TMEM67: variants seen among roughly 807,000 people sequenced by gnomAD.
The protein encoded by TMEM67 is meckelin.
TMEM67 carries 124 observed loss-of-function variants against 136.6 expected under a neutral mutation model. That is an observed-to-expected ratio of 0.91 (90% CI 0.78 to 1.05). The LOEUF is 1.05. TMEM67 is among the 50% of genes least tolerant of loss of function. The pLI is 0.00. For synonymous variants in TMEM67, 364 were observed against 390.5 expected (o/e 0.93, Z 0.80); for missense variants, 1,107 against 1,178.4 (o/e 0.94, Z 0.89).
At chr8:93,810,048 A>G (rs1808640348) in intron 26 of TMEM67, 161 bp downstream of exon 26, 2 of 477,184 alleles carry the variant, frequency 4.2e-6, no homozygotes, top group South Asian at 5.0e-5. Flanking sequence ...AGCTTACTGC[A>G]AGCTCCGCCT....
At chr8:93,757,710 AC>A (rs1461436820) in intron 2 of TMEM67, among the ~76,000 whole-genome samples, 1 of 152,098 alleles carries the variant, frequency 6.6e-6, no homozygotes, top group Non-Finnish European at 1.5e-5. Context: ...AATTTTAACA[AC>A]TATGTGTATA....
intron 8 of TMEM67, 59 bp downstream of exon 8, chr8:93,780,806 A>G (rs1433925018): frequency 6.3e-7 from 1 of 1,595,334 alleles, no homozygotes; most frequent in East Asian, 2.2e-5. Flanking sequence ...AGTTATTAAT[A>G]TATTCACAAA....
chr8:93,799,543 G>T, intron 20 of TMEM67, 75 bp from the exon 21 acceptor site: 2 of 1,479,794 alleles, frequency 1.4e-6, no homozygotes, highest in Non-Finnish European at 9.3e-7. Context: ...GTAGGGAGAG[G>T]TTTTCTGTTT....
Position 93,793,294 on chromosome 8 carries a change from C to T in TMEM67, c.1672C>T (p.Gln558Ter). 21 of 1,609,238 alleles carry T rather than the reference C, an allele frequency of 1.3e-5. No individual in the cohort carries two copies. Among genetic ancestry groups the T allele is most frequent in the Non-Finnish European group, 1.7e-5 (20 of 1,175,580 alleles). Residue 558 changes from glutamine (Q) to a stop codon, truncating the protein, a stop_gained and splice_region_variant, in exon 16 of 28, where the codon CAG becomes TAG. Coordinates refer to ENST00000453321, the MANE Select transcript of TMEM67 (RefSeq NM_153704.6). LOFTEE classifies it high-confidence loss of function. ...CATTGGGAGTCCCATGATTGATTTA[C>T]AGGTATAATCTCAGGAGTTTTTTAA... Reference protein sequence around the residue: ...RRIGSPMIDLQTVVKFLVYYA... With the variant: ...RRIGSPMIDL
chr8:93,787,814 AT>A, intron 13 of TMEM67, 29 bp from the exon 14 acceptor site: 1 of 1,512,382 alleles, frequency 6.6e-7, no homozygotes, highest in Non-Finnish European at 9.2e-7. Flanking sequence ...GGATATACTG[AT>A]TACTATAAAT....
At chr8:93,770,175 G>T (rs1813268384) in intron 6 of TMEM67, among the ~76,000 whole-genome samples, 1 of 152,078 alleles carries the variant, frequency 6.6e-6, no homozygotes, top group African/African-American at 2.4e-5. Context: ...CTTTCACCTG[G>T]TTTAAAGAAT....
intron 3 of TMEM67, among the ~76,000 whole-genome samples, chr8:93,763,316 TAACA>T (rs1009735526): frequency 1.3e-5 from 2 of 152,216 alleles, no homozygotes; most frequent in African/African-American, 4.8e-5. Context: ...GTGTTGTTTC[TAACA>T]AATAATGCCT....
chr8:93,811,785 G>A (rs185925217), intron 26 of TMEM67, among the ~76,000 whole-genome samples: 18 of 151,812 alleles, frequency 1.2e-4, no homozygotes, highest in Non-Finnish European at 2.2e-4. Flanking sequence ...GCTAGTGAGC[G>A]CCGAGATCGC....
intron 3 of TMEM67, chr8:93,761,923 T>TGAA (rs1343123528): frequency 1.3e-5 from 2 of 152,194 alleles, no homozygotes; most frequent in African/African-American, 4.8e-5. Context: ...AAGAACTGAG[T>TGAA]GCCTGGGAAT....
In TMEM67 at chr8:93,808,851, T is replaced by G; in HGVS notation, c.2451T>G (p.Cys817Trp). ...CTTTAACTTTTCAGGAAAATTTGTG[T>G]AGCCAGAGAGGTTTGGTACCCAACA... ...MNLKREAENL[C>W]SQRGLVPNTD... The change falls in exon 24 of 28, where the codon TGT (cysteine) becomes TGG (tryptophan). Residue 817 changes from cysteine (C) to tryptophan (W), a missense_variant. Physicochemically the swap from Cys to Trp is radical, Grantham distance 215. Around this residue, in one of 3 missense-constraint regions of TMEM67, gnomAD observed 925 missense variants for 1,002.4 expected, o/e 0.92. Coordinates refer to ENST00000453321, the MANE Select transcript of TMEM67 (RefSeq NM_153704.6). 1.2e-6 allele frequency: 2 copies of G among 1,607,474 alleles called. No individual in the cohort carries two copies. The highest frequency in any genetic ancestry group is 1.7e-4 in the Middle Eastern group (1 of 6,050).
At chr8:93,810,622 A>T (rs1038183017) in intron 26 of TMEM67, among the ~76,000 whole-genome samples, 1 of 152,140 alleles carries the variant, frequency 6.6e-6, no homozygotes, top group African/African-American at 2.4e-5. Flanking sequence ...AGGAAACATA[A>T]TGAACTCAGT....
At chr8:93,767,863 CTTTT>C (rs200241819) in intron 6 of TMEM67, among the ~76,000 whole-genome samples, 11 of 109,882 alleles carry the variant, frequency 1.0e-4, no homozygotes, top group Admixed American at 1.0e-4. Flanking sequence ...TTTCTTTTTT[CTTTT>C]TTTTTTTTTT....
chr8:93,765,436 TA>T lies in TMEM67; in HGVS notation c.538del (p.Thr180ProfsTer13). ...CVRCEPTFVNTSRSCACSEPN... is the reference protein window; with the variant it reads ...CVRCEPTFVNXSRSCACSEPN... ...TCCGATGTGAGCCAACATTTGTTAATACCAGCAGGTCCTGTGCATGTTCAGA... is the reference window on the plus strand; with the variant it reads ...TCCGATGTGAGCCAACATTTGTTAATCCAGCAGGTCCTGTGCATGTTCAGA... On this transcript the variant is annotated frameshift_variant, in exon 5 of 28. Transcript: ENST00000453321. LOFTEE classifies it high-confidence loss of function. The T allele has an allele frequency of 1.2e-6, 2 of 1,611,978 alleles. No homozygotes were observed. The highest frequency in any genetic ancestry group is 1.7e-6 in the Non-Finnish European group (2 of 1,179,782).
intron 2 of TMEM67, among the ~76,000 whole-genome samples, chr8:93,758,251 A>G (rs1812670337): frequency 6.6e-6 from 1 of 152,216 alleles, no homozygotes; most frequent in South Asian, 2.1e-4. Flanking sequence ...AGAGAGAACT[A>G]TTATCCGGAG....
downstream of TMEM67, among the ~76,000 whole-genome samples, chr8:93,822,322 A>G (rs1809052707): frequency 6.6e-6 from 1 of 152,260 alleles, no homozygotes; most frequent in African/African-American, 2.4e-5. Flanking sequence ...GCTAAAAGTT[A>G]AAAACTTAAA....
At chr8:93,797,871 G>T (rs571378917) in intron 20 of TMEM67, among the ~76,000 whole-genome samples, 6 of 152,160 alleles carry the variant, frequency 3.9e-5, no homozygotes, top group Admixed American at 6.5e-5. Flanking sequence ...AATCCCAGCT[G>T]CTCGGGAGGC....
At chr8:93,820,409 T>A (rs1466788098), downstream of TMEM67, among the ~76,000 whole-genome samples, 3 of 152,196 alleles carry the variant, frequency 2.0e-5, no homozygotes, top group Admixed American at 6.5e-5. Flanking sequence ...ATGGAGTGTT[T>A]AACCAAGTTG....
chr8:93,755,033 C>T lies in TMEM67; in HGVS notation c.119C>T (p.Ser40Phe). 6.2e-7 allele frequency: 1 copy of T among 1,614,230 alleles called. No homozygotes were observed. Among genetic ancestry groups the T allele is most frequent in the East Asian group, 2.2e-5 (1 of 44,884 alleles). ...CGCTTCTTACAGGCCCAGACCTTCT[C>T]TTTCCCTTTCCAGCAGCCGGAGAAG... is the stretch of plus-strand genomic sequence containing the variant. ...LPRFLQAQTF[S>F]FPFQQPEKCD... The change falls in exon 1 of 28, where the codon TCT (serine) becomes TTT (phenylalanine). Residue 40 changes from serine to phenylalanine, a missense_variant. Physicochemically the swap from Ser to Phe is radical, Grantham distance 155. Around this residue, in one of 3 missense-constraint regions of TMEM67, gnomAD observed 178 missense variants for 159.2 expected, o/e 1.12. Transcript: ENST00000453321.
rs1463049976 is a variant in TMEM67 at position 93,793,240 on chromosome 8, C to G, written c.1618C>G (p.Leu540Val). The change falls in exon 16 of 28, where the codon CTT becomes GTT. Residue 540 changes from leucine (L) to valine (V), a missense_variant. Leu to Val is a conservative substitution (Grantham distance 32). This residue lies in a region of TMEM67 where 925 missense variants were observed against 1,002.4 expected (regional missense o/e 0.92). Transcript: ENST00000453321. ...GGGTGGGCTAGCTGTTTTAGCATCT[C>G]TTTTGAAGACAGCAGGATGGAAGAG... ...VLGGLAVLAS[L>V]LKTAGWKRRI... 4.3e-6 allele frequency: 7 copies of G among 1,614,128 alleles called. No homozygotes were observed. The highest frequency in any genetic ancestry group is 5.9e-6 in the Non-Finnish European group (7 of 1,180,010).
Sources: gnomAD v4.1 joint callset for allele counts (sites outside exome capture counted in the v4.1 genomes callset) on GRCh38, gnomAD v4.1.1 for gene constraint, gnomAD v4.1.1 regional missense constraint, MANE v1.5 for transcripts, NCBI Gene and HGNC (gene_info 2026-07-23, HGNC 2026-07-21) for gene names.